Variants in TMEM164 observed in about 807,000 individuals in gnomAD.
TMEM164 encodes the protein RP13-360B22.2.
TMEM164 carries 4 observed loss-of-function variants against 18.8 expected under a neutral mutation model. The ratio of observed to expected loss-of-function variants is 0.21; its 90% CI spans 0.10 to 0.49. The LOEUF is 0.49. Among genes scored for constraint, TMEM164 ranks in the 20% least tolerant of loss-of-function variants. The pLI, the probability that TMEM164 is intolerant of heterozygous loss-of-function variation, is 0.98. For missense variants in TMEM164, 108 were observed against 239.9 expected (o/e 0.45, Z 3.63); for synonymous variants, 86 against 101.7 (o/e 0.85, Z 0.93).
rs373500523 is a variant in TMEM164 at position 110,148,675 on chromosome X, A to AT, written c.586+3823dup. Among the ~76,000 whole-genome samples, 489 of 67,879 alleles carry AT rather than the reference A, an allele frequency of 7.2e-3. 9 individuals carry two copies. The highest frequency in any genetic ancestry group is 7.9e-3 in the Non-Finnish European group (296 of 37,244). 58.9% of individuals were successfully genotyped at this position (67,879 alleles called of 115,157 possible). Reference sequence around the variant, plus strand: ...AGGCACATACTACCACACCCGGCTCATTTTTTTTTTTTTTTTTTTTTTTTG... The same window carrying AT: ...AGGCACATACTACCACACCCGGCTCATTTTTTTTTTTTTTTTTTTTTTTTTG... On this transcript the variant is annotated intron_variant, in intron 5 of 6. Coordinates refer to ENST00000372068, the MANE Select transcript of TMEM164 (RefSeq NM_032227.4).
chrX:110,087,561 A>G (rs2065871166), intron 3 of TMEM164, among the ~76,000 whole-genome samples: 1 of 111,602 alleles, frequency 9.0e-6, no homozygotes, highest in African/African-American at 3.3e-5. Context: ...AACACCCAGC[A>G]CTTAATGTGC....
chrX:110,176,229 C>T lies in TMEM164; in HGVS notation c.*2778C>T, dbSNP rs745852020. On this transcript the variant is annotated 3_prime_UTR_variant, in exon 7 of 7. Coordinates refer to ENST00000372068, the MANE Select transcript of TMEM164 (RefSeq NM_032227.4). ...CTTGGCCAGGGATGTGGGCCAAGAA[C>T]AGTCTGTGGAGCTGGCCAACTTGTG... The T allele has an allele frequency of 4.2e-4, 316 of 755,304 alleles. No homozygotes were observed. In the Middle Eastern group the frequency reaches 4.7e-3, roughly 11 times the overall value. 62.2% of individuals were successfully genotyped at this position (755,304 alleles called of 1,213,427 possible).
chrX:110,123,230 G>A (rs1289422473), intron 4 of TMEM164, among the ~76,000 whole-genome samples: 3 of 112,001 alleles, frequency 2.7e-5, no homozygotes, highest in African/African-American at 9.7e-5. Context: ...AAAAATAAAT[G>A]TGAAGGTTTA....
chrX:110,094,345 T>C (rs1241494077), intron 3 of TMEM164, among the ~76,000 whole-genome samples: 1 of 112,104 alleles, frequency 8.9e-6, no homozygotes, highest in Non-Finnish European at 1.9e-5. Context: ...CTCTAAGGAC[T>C]TGCTTTATGA....
Position 110,175,649 on chromosome X carries a change from A to G in TMEM164, c.*2198A>G. On this transcript the variant is annotated 3_prime_UTR_variant, in exon 7 of 7. Transcript: ENST00000372068. ...CCTGGCATGGCCAAGCCAGAGACAG[A>G]TCCACCTGTCAGAGGAAGGAAGAAG... 1 of 624,924 alleles carries G rather than the reference A, an allele frequency of 1.6e-6. No individual in the cohort carries two copies. Among genetic ancestry groups the G allele is most frequent in the Non-Finnish European group, 1.9e-6 (1 of 520,967 alleles). The allele number at this position is 624,924 out of a possible 1,213,427, so 51.5% of individuals were successfully genotyped here. A position where few individuals can be genotyped will look rare whatever the true frequency, so the allele number is the denominator to read the frequency against.
At chrX:110,038,811 A>G (rs1270071208) in intron 2 of TMEM164, among the ~76,000 whole-genome samples, 3 of 97,093 alleles carry the variant, frequency 3.1e-5, no homozygotes, top group East Asian at 3.9e-4. Context: ...CTGATGCTCA[A>G]TTCAAGGAAA....
chrX:110,131,817 A>G (rs780561748), intron 4 of TMEM164, among the ~76,000 whole-genome samples: 3 of 112,276 alleles, frequency 2.7e-5, no homozygotes, highest in Non-Finnish European at 5.6e-5. Flanking sequence ...CTGAAACACC[A>G]TCTTGTATAC....
At chrX:110,060,315 G>C (rs1321198733) in intron 2 of TMEM164, among the ~76,000 whole-genome samples, 1 of 104,523 alleles carries the variant, frequency 9.6e-6, no homozygotes. Context: ...TAAGTGACAA[G>C]ACAGGATTTG....
At chrX:110,183,747 T>G (rs181109749), downstream of TMEM164, among the ~76,000 whole-genome samples, 126 of 112,609 alleles carry the variant, frequency 1.1e-3, no homozygotes, top group Admixed American at 0.01. Flanking sequence ...TGACAACTTC[T>G]TTGAACTTGA....
chrX:110,168,995 G>C (rs1018465319), intron 5 of TMEM164, among the ~76,000 whole-genome samples: 3 of 112,248 alleles, frequency 2.7e-5, no homozygotes, highest in Non-Finnish European at 5.6e-5. Flanking sequence ...CATTTTATAG[G>C]TGAGTAGAAC....
Position 110,063,450 on chromosome X carries a change from A to G in TMEM164, c.391-3897A>G, listed in dbSNP as rs936436361. On this transcript the variant is annotated intron_variant, in intron 2 of 6. Coordinates refer to ENST00000372068, the MANE Select transcript of TMEM164 (RefSeq NM_032227.4). The stretch of plus-strand genomic sequence containing the variant: ...GGGCTGATATGACTGGGGGAACAGG[A>G]ATGGGAAGCAGGCCAGGTGTTGGCT... Among the ~76,000 whole-genome samples, 36 of 111,582 alleles carry G rather than the reference A, an allele frequency of 3.2e-4. 1 individual carries two copies. Among genetic ancestry groups the G allele is most frequent in the Non-Finnish European group, 5.8e-4 (31 of 53,042 alleles).
chrX:110,172,879 T>C (rs941740263), intron 6 of TMEM164, among the ~76,000 whole-genome samples: 10 of 112,089 alleles, frequency 8.9e-5, no homozygotes, highest in Non-Finnish European at 3.8e-5. Flanking sequence ...ACTTGATTGA[T>C]TGCAGTTACG....
chrX:110,002,449 G>A (rs1932363784), upstream of TMEM164, among the ~76,000 whole-genome samples: 1 of 110,380 alleles, frequency 9.1e-6, no homozygotes, highest in African/African-American at 3.3e-5. Context: ...GCGGAGGGTG[G>A]GAGGTGTGAA....
intron 4 of TMEM164, among the ~76,000 whole-genome samples, chrX:110,124,176 A>AAGGAAGGAAGGCAGGCAGGC (rs59507144): frequency 1.0e-4 from 8 of 77,167 alleles, no homozygotes; most frequent in Admixed American, 3.2e-4. Context: ...GGAAGGAAGG[A>AAGGAAGGAAGGCAGGCAGGC]AGGCAGGAAG....
In TMEM164 at chrX:110,173,474, T is replaced by A; in HGVS notation, c.*23T>A. 9.7e-7 allele frequency: 1 copy of A among 1,034,868 alleles called. No individual in the cohort carries two copies. Among genetic ancestry groups the A allele is most frequent in the Non-Finnish European group, 1.3e-6 (1 of 758,711 alleles). The allele number at this position is 1,034,868 out of a possible 1,213,427, so 85.3% of individuals were successfully genotyped here. A position where few individuals can be genotyped will look rare whatever the true frequency, so the allele number is the denominator to read the frequency against. ...TGAAGGTGCTTATTTTTTTTTTTTTTCCTCCCTGAGGAAGCAAGTCGTGAC... is the reference window on the plus strand; with the variant it reads ...TGAAGGTGCTTATTTTTTTTTTTTTACCTCCCTGAGGAAGCAAGTCGTGAC... On this transcript the variant is annotated 3_prime_UTR_variant, in exon 7 of 7. Coordinates refer to ENST00000372068, the MANE Select transcript of TMEM164 (RefSeq NM_032227.4).
intron 3 of TMEM164, among the ~76,000 whole-genome samples, chrX:110,094,950 C>A (rs1386294431): frequency 2.7e-5 from 3 of 111,473 alleles, no homozygotes; most frequent in Admixed American, 9.6e-5. Flanking sequence ...CTTAGTTTGG[C>A]TGGATATGAA....
chrX:110,127,519 A>C (rs1391117154), intron 4 of TMEM164, among the ~76,000 whole-genome samples: 3 of 111,464 alleles, frequency 2.7e-5, no homozygotes, highest in Non-Finnish European at 5.6e-5. Flanking sequence ...GTCTCAAACA[A>C]AACAAAACAA....
intron 4 of TMEM164, among the ~76,000 whole-genome samples, chrX:110,129,830 A>G (rs2066587879): frequency 8.9e-6 from 1 of 112,394 alleles, no homozygotes; most frequent in Admixed American, 9.4e-5. Context: ...GCTAAGTTCT[A>G]TGAAATATCG....
intron 4 of TMEM164, among the ~76,000 whole-genome samples, chrX:110,119,313 G>A (rs776660399): frequency 2.7e-4 from 30 of 111,282 alleles, no homozygotes; most frequent in Admixed American, 4.8e-4. Context: ...AAAAATGGAG[G>A]CCAGGTGCAG....
Sources: gnomAD v4.1 joint callset for allele counts (sites outside exome capture counted in the v4.1 genomes callset) on GRCh38, gnomAD v4.1.1 for gene constraint, MANE v1.5 for transcripts, NCBI Gene and HGNC (gene_info 2026-07-23, HGNC 2026-07-21) for gene names.